MARCHF6: variants seen among roughly 807,000 people sequenced by gnomAD.
MARCHF6 encodes the protein membrane associated ring-CH-type finger 6, also known as E3 ubiquitin-protein ligase MARCHF6.
In MARCHF6, 31 loss-of-function variants were observed where a neutral mutation model predicts 133.7. The observed-to-expected ratio is 0.23, with a 90% CI of 0.17 to 0.31. MARCHF6 has a LOEUF of 0.31. MARCHF6 is among the 10% of genes least tolerant of loss of function. MARCHF6 has a pLI of 1.00. For missense variants in MARCHF6, 723 were observed against 1,121.6 expected (o/e 0.64, Z 5.08); for synonymous variants, 395 against 402.5 (o/e 0.98, Z 0.22).
chr5:10,396,185 C>T (rs1738178799), intron 9 of MARCHF6, among the ~76,000 whole-genome samples: 1 of 152,176 alleles, frequency 6.6e-6, no homozygotes, highest in Non-Finnish European at 1.5e-5. Flanking sequence ...ATGAATGAGA[C>T]AGGGTCCCTG....
At chr5:10,383,269 C>A (rs1282371071) in intron 4 of MARCHF6, among the ~76,000 whole-genome samples, 1 of 152,068 alleles carries the variant, frequency 6.6e-6, no homozygotes, top group African/African-American at 2.4e-5. Flanking sequence ...TAAATATTGA[C>A]AAATGGAGGC....
intron 11 of MARCHF6, chr5:10,401,196 A>C (rs1396014038): frequency 5.3e-6 from 1 of 189,624 alleles, no homozygotes; most frequent in Non-Finnish European, 1.1e-5. Context: ...ACAATATATC[A>C]ATCAATTTAA....
intron 7 of MARCHF6, among the ~76,000 whole-genome samples, chr5:10,392,125 A>G (rs1737896488): frequency 6.6e-6 from 1 of 152,028 alleles, no homozygotes; most frequent in Non-Finnish European, 1.5e-5. Context: ...CGCCCGGCTA[A>G]TATTTTGTAT....
At chr5:10,423,897 ATTTC>A in intron 23 of MARCHF6, 73 bp downstream of exon 23, 1 of 1,042,024 alleles carries the variant, frequency 9.6e-7, no homozygotes. Context: ...TATAACTCTT[ATTTC>A]TTATCTTCCT....
chr5:10,370,903 G>T (rs1428950034), intron 1 of MARCHF6, among the ~76,000 whole-genome samples: 1 of 152,120 alleles, frequency 6.6e-6, no homozygotes, highest in Non-Finnish European at 1.5e-5. Flanking sequence ...GCAAGTGGGA[G>T]AATATGATAA....
chr5:10,361,443 T>C (rs1434267020), intron 1 of MARCHF6, among the ~76,000 whole-genome samples: 1 of 152,202 alleles, frequency 6.6e-6, no homozygotes, highest in African/African-American at 2.4e-5. Flanking sequence ...TAGATGATTG[T>C]CTTCTGTGTC....
rs188550266 is a variant in MARCHF6 at position 10,439,590 on chromosome 5, A to G, written c.*5906A>G. 8.5e-4 allele frequency: 129 copies of G among 152,372 alleles called. No individual in the cohort carries two copies. Among genetic ancestry groups the G allele is most frequent in the African/African-American group, 2.8e-3 (115 of 41,588 alleles). The allele number at this position is 152,372 out of a possible 1,614,324, so 9.4% of individuals were successfully genotyped here. A position where few individuals can be genotyped will look rare whatever the true frequency, so the allele number is the denominator to read the frequency against. On this transcript the variant is annotated 3_prime_UTR_variant, in exon 26 of 26. Transcript: ENST00000274140. ...ACATAAAGAAGTCTCAAAACTGAACAAGTAAACCCATTGTTTACTTAATCG... is the reference window on the plus strand; with the variant it reads ...ACATAAAGAAGTCTCAAAACTGAACGAGTAAACCCATTGTTTACTTAATCG...
intron 17 of MARCHF6, among the ~76,000 whole-genome samples, 176 bp from the exon 18 acceptor site, chr5:10,409,963 A>G (rs1579598543): frequency 6.6e-6 from 1 of 152,202 alleles, no homozygotes; most frequent in African/African-American, 2.4e-5. Flanking sequence ...GGTGACCCTT[A>G]TCAGAAACAA....
intron 1 of MARCHF6, among the ~76,000 whole-genome samples, chr5:10,369,057 A>T (rs1441180481): frequency 2.0e-5 from 3 of 152,080 alleles, no homozygotes; most frequent in Non-Finnish European, 1.5e-5. Flanking sequence ...TCCATCCCTT[A>T]CTGCATGCTT....
chr5:10,353,885 C>T lies in MARCHF6; in HGVS notation c.-14C>T, dbSNP rs1390121709. ...GAGCCTCGTGGCTGCGTCACCGCCG[C>T]CCCCCCAGACAAGATGGACACCGCG... On this transcript the variant is annotated 5_prime_UTR_variant, in exon 1 of 26. Coordinates refer to ENST00000274140, the MANE Select transcript of MARCHF6 (RefSeq NM_005885.4). 3.8e-6 allele frequency: 6 copies of T among 1,561,078 alleles called. No homozygotes were observed. Among genetic ancestry groups the T allele is most frequent in the South Asian group, 1.2e-5 (1 of 85,704 alleles).
chr5:10,365,081 G>A (rs1211239611), intron 1 of MARCHF6, among the ~76,000 whole-genome samples: 2 of 152,068 alleles, frequency 1.3e-5, no homozygotes, highest in Admixed American at 6.5e-5. Context: ...GAGATTACAG[G>A]TGTGAGCCAC....
At chr5:10,409,622 A>C (rs982455283) in intron 17 of MARCHF6, among the ~76,000 whole-genome samples, 1 of 152,212 alleles carries the variant, frequency 6.6e-6, no homozygotes, top group African/African-American at 2.4e-5. Flanking sequence ...TGAGCAAAGG[A>C]GTGATCTAAC....
chr5:10,391,172 A>T (rs566948481), intron 6 of MARCHF6, among the ~76,000 whole-genome samples: 1 of 152,218 alleles, frequency 6.6e-6, no homozygotes, highest in East Asian at 1.9e-4. Context: ...TTGCTCTGTC[A>T]CTCAGGCTGG....
chr5:10,419,358 A>T (rs1435052810), intron 22 of MARCHF6, among the ~76,000 whole-genome samples: 1 of 152,188 alleles, frequency 6.6e-6, no homozygotes, highest in East Asian at 1.9e-4. Flanking sequence ...TTGTGTTAGA[A>T]GTTTTTGCCC....
At chr5:10,431,812 C>T (rs1740387697) in intron 25 of MARCHF6, among the ~76,000 whole-genome samples, 1 of 152,156 alleles carries the variant, frequency 6.6e-6, no homozygotes, top group Non-Finnish European at 1.5e-5. Context: ...CTTACTTTGT[C>T]ATTGCCATAA....
intron 14 of MARCHF6, 84 bp from the exon 15 acceptor site, chr5:10,403,323 T>C (rs1738661279): frequency 7.3e-7 from 1 of 1,361,228 alleles, no homozygotes; most frequent in African/African-American, 1.4e-5. Context: ...TGCATATTGA[T>C]TATTTATTTC....
At chr5:10,402,236 T>A in intron 12 of MARCHF6, 97 bp downstream of exon 12, 1 of 1,098,680 alleles carries the variant, frequency 9.1e-7, no homozygotes, top group Non-Finnish European at 1.4e-6. Context: ...GTCCTCTTAG[T>A]AAAAGTTGTA....
In MARCHF6 at chr5:10,365,927, G is replaced by T. The variant is rs534658751; in HGVS notation, c.20-11871G>T. On this transcript the variant is annotated intron_variant, in intron 1 of 25. Coordinates refer to ENST00000274140, the MANE Select transcript of MARCHF6 (RefSeq NM_005885.4). Reference sequence around the variant, plus strand: ...ATATCTCTTTCCATATTAGCAAATAGTTATATATACATATATATACTTTTT... The same window carrying T: ...ATATCTCTTTCCATATTAGCAAATATTTATATATACATATATATACTTTTT... Among the ~76,000 whole-genome samples the T allele has an allele frequency of 3.9e-5, 6 of 151,992 alleles. No individual in the cohort carries two copies. In the East Asian group the frequency reaches 1.2e-3, roughly 29 times the overall value.
chr5:10,379,080 T>TA (rs11378911), intron 3 of MARCHF6, among the ~76,000 whole-genome samples: 126,343 of 151,792 alleles, frequency 0.83, 53,767 homozygotes, highest in Non-Finnish European at 0.9. Flanking sequence ...TTTTTGTCTT[T>TA]AAAATTTATT....
Sources: allele counts gnomAD v4.1 joint callset (sites outside exome capture counted in the v4.1 genomes callset), GRCh38; gene constraint gnomAD v4.1.1; transcripts MANE v1.5; gene names NCBI Gene and HGNC (gene_info 2026-07-23, HGNC 2026-07-21).